Variants in EPB41L4B observed in about 807,000 individuals in gnomAD.
EPB41L4B encodes erythrocyte membrane protein band 4.1 like 4B.
Under a neutral mutation model 112.5 loss-of-function variants are expected in EPB41L4B, and 30 were observed. The observed-to-expected ratio is 0.27, with a 90% CI of 0.20 to 0.36. The LOEUF (loss-of-function observed/expected upper bound fraction) is 0.36. Ranked by LOEUF, EPB41L4B falls within the 10% of genes least tolerant of loss-of-function variation. The pLI, the probability that EPB41L4B is intolerant of heterozygous loss-of-function variation, is 1.00. For synonymous variants in EPB41L4B, 408 were observed against 439.7 expected (o/e 0.93, Z 0.90); for missense variants, 1,024 against 1,133.3 (o/e 0.90, Z 1.38).
chr9:109,294,059 C>A (rs1269661146), intron 1 of EPB41L4B, among the ~76,000 whole-genome samples: 1 of 152,152 alleles, frequency 6.6e-6, no homozygotes, highest in African/African-American at 2.4e-5. Flanking sequence ...GTAATCCCAG[C>A]ACTTTGGGAG....
chr9:109,210,340 T>A (rs1207302088), intron 17 of EPB41L4B, among the ~76,000 whole-genome samples: 1 of 152,242 alleles, frequency 6.6e-6, no homozygotes, highest in Non-Finnish European at 1.5e-5. Flanking sequence ...GATATTTCAC[T>A]GGTGCATGAA....
intron 20 of EPB41L4B, among the ~76,000 whole-genome samples, chr9:109,197,569 C>T (rs1832683951): frequency 6.6e-6 from 1 of 152,062 alleles, no homozygotes; most frequent in South Asian, 2.1e-4. Context: ...GAAAATGCTG[C>T]TATTGTTTGA....
chr9:109,240,402 C>A, intron 15 of EPB41L4B: 2 of 985,340 alleles, frequency 2.0e-6, no homozygotes, highest in Non-Finnish European at 1.2e-6. Flanking sequence ...CAAAAAAGAT[C>A]AGATTTTAGT....
chr9:109,267,374 G>T (rs1835445874), intron 4 of EPB41L4B, 99 bp downstream of exon 4: 1 of 710,838 alleles, frequency 1.4e-6, no homozygotes, highest in Non-Finnish European at 2.5e-6. Context: ...GAAATAGACA[G>T]CAGACAGAAG....
At chr9:109,239,704 G>T in intron 15 of EPB41L4B, 1 of 430,734 alleles carries the variant, frequency 2.3e-6, no homozygotes, top group Non-Finnish European at 3.1e-6. Flanking sequence ...CTTCTTGGTT[G>T]CAGACAACTG....
In EPB41L4B at chr9:109,320,811, G is replaced by GGCGGGCT. The variant is rs1837847361; in HGVS notation, c.-372_-366dup. The GGCGGGCT allele has an allele frequency of 6.9e-6, 1 of 145,264 alleles. No homozygotes were observed. Among genetic ancestry groups the GGCGGGCT allele is most frequent in the East Asian group, 2.0e-4 (1 of 4,926 alleles). The allele number at this position is 145,264 out of a possible 1,614,324, so 9.0% of individuals were successfully genotyped here. A position where few individuals can be genotyped will look rare whatever the true frequency, so the allele number is the denominator to read the frequency against. ...CCAGGGGGCTGCCGGGGGCGCGGGA[G>GGCGGGCT]GCGGGCTGCGGGCTGCTCCCGCGCC... is the stretch of plus-strand genomic sequence containing the variant. On this transcript the variant is annotated 5_prime_UTR_variant, in exon 1 of 26. Coordinates refer to ENST00000374566, the MANE Select transcript of EPB41L4B (RefSeq NM_019114.5).
chr9:109,317,522 C>G (rs780273343), intron 1 of EPB41L4B, among the ~76,000 whole-genome samples: 1 of 152,206 alleles, frequency 6.6e-6, no homozygotes, highest in East Asian at 1.9e-4. Context: ...TGCCACAGCA[C>G]GGTCACACTG....
At chr9:109,253,407 G>T in intron 12 of EPB41L4B, 34 bp downstream of exon 12, 1 of 1,492,652 alleles carries the variant, frequency 6.7e-7, no homozygotes, top group Non-Finnish European at 9.3e-7. Context: ...CAAGCATAAT[G>T]TAAAATTCCA....
At chr9:109,186,174 G>A (rs1296760501) in intron 22 of EPB41L4B, among the ~76,000 whole-genome samples, 2 of 152,032 alleles carry the variant, frequency 1.3e-5, no homozygotes, top group African/African-American at 4.8e-5. Flanking sequence ...ATATATCATG[G>A]GGAGAAACAT....
intron 16 of EPB41L4B, among the ~76,000 whole-genome samples, chr9:109,214,398 A>G (rs545543520): frequency 9.8e-5 from 15 of 152,338 alleles, no homozygotes; most frequent in African/African-American, 3.4e-4. Context: ...ATCGTTAGCA[A>G]CTGGGATCTG....
chr9:109,215,834 A>G (rs73654228), intron 16 of EPB41L4B, among the ~76,000 whole-genome samples: 4,139 of 152,286 alleles, frequency 0.027, 169 homozygotes, highest in African/African-American at 0.094. Context: ...ATTGCTAACA[A>G]TATTTCTGGG....
At chr9:109,221,302 G>T (rs186852885) in intron 15 of EPB41L4B, among the ~76,000 whole-genome samples, 262 of 152,302 alleles carry the variant, frequency 1.7e-3, no homozygotes, top group Admixed American at 2.8e-3. Context: ...AGGATTTGAC[G>T]ACAGGTCTGT....
At chr9:109,288,795 A>G (rs889062887) in intron 1 of EPB41L4B, among the ~76,000 whole-genome samples, 1 of 148,736 alleles carries the variant, frequency 6.7e-6, no homozygotes, top group Non-Finnish European at 1.5e-5. Flanking sequence ...CAACTACTCA[A>G]GAGGCTGAGG....
At chr9:109,192,472 G>T in intron 21 of EPB41L4B, 117 bp from the exon 22 acceptor site, 1 of 635,018 alleles carries the variant, frequency 1.6e-6, no homozygotes, top group South Asian at 3.5e-5. Flanking sequence ...CATTAGCAAT[G>T]ACAATCCCCT....
chr9:109,203,767 T>A (rs1195140268), intron 18 of EPB41L4B, 37 bp from the exon 19 acceptor site: 10 of 1,540,374 alleles, frequency 6.5e-6, no homozygotes, highest in Non-Finnish European at 9.0e-6. Context: ...CAAAACTGAA[T>A]ATGTTGGCAT....
chr9:109,286,032 G>C (rs1836262392), intron 1 of EPB41L4B, among the ~76,000 whole-genome samples: 1 of 152,032 alleles, frequency 6.6e-6, no homozygotes, highest in African/African-American at 2.4e-5. Context: ...CTGAGGACAG[G>C]GACCAGCTGT....
At chr9:109,213,603 C>A in intron 17 of EPB41L4B, 97 bp downstream of exon 17, 2 of 968,078 alleles carry the variant, frequency 2.1e-6, no homozygotes, top group South Asian at 1.4e-5. Context: ...CCCTCCAAGG[C>A]AAAGGCACTT....
At chr9:109,299,060 G>A (rs1242568928) in intron 1 of EPB41L4B, among the ~76,000 whole-genome samples, 2 of 152,168 alleles carry the variant, frequency 1.3e-5, no homozygotes, top group African/African-American at 2.4e-5. Context: ...CCTGCTGGAT[G>A]CTGTAAAGAC....
Position 109,208,350 on chromosome 9 carries a change from G to C in EPB41L4B, c.1753-301C>G, listed in dbSNP as rs545996499. Among the ~76,000 whole-genome samples, 15 of 152,264 alleles carry C rather than the reference G, an allele frequency of 9.9e-5. No individual in the cohort carries two copies. The East Asian group carries it at 2.7e-3, about 27-fold the overall frequency. On this transcript the variant is annotated intron_variant, in intron 17 of 25. Coordinates refer to ENST00000374566, the MANE Select transcript of EPB41L4B (RefSeq NM_019114.5). ...CAGTGGCAGAAGAGGACATCTCCTG[G>C]TTCAAGTCTCCTAACCTCAGTCCAG...
Sources: allele counts gnomAD v4.1 joint callset (sites outside exome capture counted in the v4.1 genomes callset), GRCh38; gene constraint gnomAD v4.1.1; transcripts MANE v1.5; gene names NCBI Gene and HGNC (gene_info 2026-07-23, HGNC 2026-07-21).